The following ZMAT4 variants were observed in gnomAD, a reference collection of about 807,000 sequenced individuals.
The protein encoded by ZMAT4 is zinc finger matrin-type 4.
Under a neutral mutation model 28.7 loss-of-function variants are expected in ZMAT4, and 17 were observed. The ratio of observed to expected loss-of-function variants is 0.59; its 90% confidence interval spans 0.41 to 0.89. The LOEUF is 0.89. Among genes scored for constraint, ZMAT4 ranks in the 40% least tolerant of loss-of-function variants. ZMAT4 has a pLI of 0.00. For synonymous variants in ZMAT4, 117 were observed against 109.2 expected (o/e 1.07, Z -0.44); for missense variants, 240 against 283.8 (o/e 0.85, Z 1.11).
chr8:40,867,904 C>T (rs1238789289), intron 1 of ZMAT4, among the ~76,000 whole-genome samples: 1 of 151,718 alleles, frequency 6.6e-6, no homozygotes, highest in African/African-American at 2.4e-5. Flanking sequence ...ATGGCCTGCA[C>T]ATGTATCCCA....
At chr8:40,765,559 C>T (rs527888926) in intron 3 of ZMAT4, among the ~76,000 whole-genome samples, 2 of 152,190 alleles carry the variant, frequency 1.3e-5, no homozygotes, top group East Asian at 3.9e-4. Context: ...ACCCAGGAAA[C>T]AGCAGAGAAA....
intron 1 of ZMAT4, among the ~76,000 whole-genome samples, chr8:40,877,992 T>C (rs1200639090): frequency 6.6e-6 from 1 of 152,216 alleles, no homozygotes; most frequent in Non-Finnish European, 1.5e-5. Context: ...AAACCAAACC[T>C]GGAGCCTCCG....
intron 1 of ZMAT4, among the ~76,000 whole-genome samples, chr8:40,863,488 G>A (rs1170958732): frequency 6.6e-6 from 1 of 152,206 alleles, no homozygotes; most frequent in East Asian, 1.9e-4. Flanking sequence ...GGTGTGAACG[G>A]TGGTGCCTTT....
intron 3 of ZMAT4, among the ~76,000 whole-genome samples, chr8:40,711,188 C>A (rs1810601242): frequency 6.6e-6 from 1 of 152,150 alleles, no homozygotes; most frequent in Non-Finnish European, 1.5e-5. Context: ...TTTAATTAGA[C>A]ACTGATAAAA....
intron 3 of ZMAT4, among the ~76,000 whole-genome samples, chr8:40,765,859 T>C (rs1813137219): frequency 1.3e-5 from 2 of 152,224 alleles, no homozygotes; most frequent in Admixed American, 1.3e-4. Context: ...ATGGCTATTA[T>C]ATGAAAGGAT....
At chr8:40,689,653 T>C (rs978366549) in intron 4 of ZMAT4, among the ~76,000 whole-genome samples, 4 of 152,074 alleles carry the variant, frequency 2.6e-5, no homozygotes, top group Non-Finnish European at 5.9e-5. Flanking sequence ...AGGGTTCTTA[T>C]CTTTAATAGA....
chr8:40,841,953 G>C (rs1197867757), intron 1 of ZMAT4, among the ~76,000 whole-genome samples: 4 of 152,166 alleles, frequency 2.6e-5, no homozygotes, highest in Non-Finnish European at 5.9e-5. Flanking sequence ...CTGGCAGCAC[G>C]TGCCCACAGG....
chr8:40,780,971 A>G (rs545809660), intron 2 of ZMAT4, among the ~76,000 whole-genome samples: 1 of 152,328 alleles, frequency 6.6e-6, no homozygotes, highest in African/African-American at 2.4e-5. Flanking sequence ...GATGAGGAGC[A>G]AGACAAGAAC....
At chr8:40,685,876 T>C (rs1232689595) in intron 4 of ZMAT4, among the ~76,000 whole-genome samples, 1 of 152,092 alleles carries the variant, frequency 6.6e-6, no homozygotes, top group Non-Finnish European at 1.5e-5. Context: ...ACTCAAAGAC[T>C]CCAGACCCAC....
intron 5 of ZMAT4, among the ~76,000 whole-genome samples, chr8:40,601,620 AAGAAAGAAAGAAAGAG>A (rs1805356598): frequency 3.4e-4 from 9 of 26,440 alleles, no homozygotes; most frequent in Non-Finnish European, 9.4e-4. Flanking sequence ...GAAAGAAAGA[AAGAAAGAAAGAAAGAG>A]AAAGAAAGAA....
chr8:40,870,706 C>A (rs1817827247), intron 1 of ZMAT4, among the ~76,000 whole-genome samples: 1 of 152,158 alleles, frequency 6.6e-6, no homozygotes, highest in Non-Finnish European at 1.5e-5. Context: ...AAACACCAGG[C>A]ACATGATAGA....
At chr8:40,708,284 T>C (rs1810448903) in intron 3 of ZMAT4, among the ~76,000 whole-genome samples, 1 of 152,110 alleles carries the variant, frequency 6.6e-6, no homozygotes, top group Admixed American at 6.6e-5. Flanking sequence ...GGAGCGCATG[T>C]CCCATCCCCA....
chr8:40,624,737 C>T (rs1336609778), intron 5 of ZMAT4, among the ~76,000 whole-genome samples: 1 of 152,176 alleles, frequency 6.6e-6, no homozygotes, highest in Non-Finnish European at 1.5e-5. Flanking sequence ...CAATATTCTA[C>T]ACAGTTGCTG....
At chr8:40,764,867 T>C (rs1029902816) in intron 3 of ZMAT4, among the ~76,000 whole-genome samples, 15 of 152,288 alleles carry the variant, frequency 9.8e-5, no homozygotes, top group African/African-American at 3.4e-4. Flanking sequence ...TGTCTCACTC[T>C]GTTGCCCAGA....
At chr8:40,594,216 G>C (rs536641449) in intron 5 of ZMAT4, among the ~76,000 whole-genome samples, 1 of 152,276 alleles carries the variant, frequency 6.6e-6, no homozygotes, top group South Asian at 2.1e-4. Context: ...GGGCCTCCCA[G>C]TTTAATACAG....
At chr8:40,714,608 C>G (rs1323607549) in intron 3 of ZMAT4, among the ~76,000 whole-genome samples, 2 of 152,146 alleles carry the variant, frequency 1.3e-5, no homozygotes, top group Non-Finnish European at 2.9e-5. Context: ...GTGCAGAATG[C>G]AATCCATTGA....
At chr8:40,711,880 G>A (rs1259173465) in intron 3 of ZMAT4, among the ~76,000 whole-genome samples, 1 of 152,094 alleles carries the variant, frequency 6.6e-6, no homozygotes, top group East Asian at 1.9e-4. Flanking sequence ...TTCACAACCT[G>A]GGTAGTGGTT....
At chr8:40,883,118 C>T (rs1001675764) in intron 1 of ZMAT4, among the ~76,000 whole-genome samples, 7 of 152,186 alleles carry the variant, frequency 4.6e-5, no homozygotes, top group African/African-American at 1.7e-4. Flanking sequence ...CTGACATAAA[C>T]AGGTCCCTTG....
At chr8:40,653,709 A>T (rs1051382134) in intron 5 of ZMAT4, among the ~76,000 whole-genome samples, 26 of 152,308 alleles carry the variant, frequency 1.7e-4, no homozygotes, top group Admixed American at 1.2e-3. Context: ...ACCAAAACTG[A>T]CTCAGGAAAA....
Sources: gnomAD v4.1 joint callset for allele counts (sites outside exome capture counted in the v4.1 genomes callset) on GRCh38, gnomAD v4.1.1 for gene constraint, MANE v1.5 for transcripts, NCBI Gene and HGNC (gene_info 2026-07-23, HGNC 2026-07-21) for gene names.